The following PRR5 variants were observed in gnomAD, a reference collection of about 807,000 sequenced individuals.
The protein encoded by PRR5 is proline-rich protein 5.
Under a neutral mutation model 30.6 loss-of-function variants are expected in PRR5, and 25 were observed. The observed-to-expected ratio is 0.82, with a 90% CI of 0.60 to 1.14. The LOEUF is 1.14. Ranked by LOEUF, PRR5 falls within the 50% of genes most tolerant of loss-of-function variation. PRR5 has a pLI of 0.00. For synonymous variants in PRR5, 286 were observed against 247.1 expected, an observed-to-expected ratio of 1.16 and a Z score of -1.48; for missense variants, 600 against 547.1, an observed-to-expected ratio of 1.10 and a Z score of -0.96.
In PRR5 at chr22:44,737,436, A is replaced by T. The variant is rs1421136379; in HGVS notation, c.*189A>T. The T allele has an allele frequency of 7.9e-7, 1 of 1,266,282 alleles. No homozygotes were observed. 78.4% of individuals were successfully genotyped at this position (1,266,282 alleles called of 1,614,324 possible). A position where few individuals can be genotyped will look rare whatever the true frequency, so the allele number is the denominator to read the frequency against. Reference sequence around the variant, plus strand: ...ACCATCAGCCTTCCTTGCTCGGCCCAGGTCTGTTTCAGGCATCTGAGTCGG... The same window carrying T: ...ACCATCAGCCTTCCTTGCTCGGCCCTGGTCTGTTTCAGGCATCTGAGTCGG... On this transcript the variant is annotated 3_prime_UTR_variant, in exon 8 of 8. Coordinates refer to ENST00000336985, the MANE Select transcript of PRR5 (RefSeq NM_181333.4).
chr22:44,688,762 C>T (rs747262305), intron 1 of PRR5, among the ~76,000 whole-genome samples: 2 of 152,060 alleles, frequency 1.3e-5, no homozygotes, highest in East Asian at 1.9e-4. Flanking sequence ...CCGAGGCAGG[C>T]GGATCACTTG....
At chr22:44,734,760 C>T (rs1292025250) in intron 6 of PRR5, 14 of 540,634 alleles carry the variant, frequency 2.6e-5, no homozygotes, top group Non-Finnish European at 3.6e-5. Flanking sequence ...GAACACCCAT[C>T]TCATCTGGCC....
At chr22:44,721,415 C>G (rs1929912603) in intron 2 of PRR5, among the ~76,000 whole-genome samples, 1 of 152,142 alleles carries the variant, frequency 6.6e-6, no homozygotes, top group Admixed American at 6.5e-5. Context: ...GCACCCTATG[C>G]AAACATCCGA....
upstream of PRR5, among the ~76,000 whole-genome samples, chr22:44,697,889 A>G (rs1925907381): frequency 6.6e-6 from 1 of 152,108 alleles, no homozygotes; most frequent in Admixed American, 6.5e-5. Context: ...CCGCCCCTGT[A>G]TCATGCCTAT....
At chr22:44,729,813 G>A (rs1921600857) in intron 4 of PRR5, 6 of 985,502 alleles carry the variant, frequency 6.1e-6, no homozygotes, top group Non-Finnish European at 7.2e-6. Flanking sequence ...GTGGGCTGGA[G>A]AACAGCCTGC....
chr22:44,718,052 A>C (rs74596818), intron 2 of PRR5, among the ~76,000 whole-genome samples: 1 of 151,926 alleles, frequency 6.6e-6, no homozygotes, highest in Non-Finnish European at 1.5e-5. Context: ...ATCATATTCT[A>C]TCGTGTGTAT....
chr22:44,734,910 A>G, intron 6 of PRR5, 117 bp from the exon 7 acceptor site: 22 of 1,367,244 alleles, frequency 1.6e-5, no homozygotes, highest in Non-Finnish European at 2.1e-5. Context: ...AGCCTGTGGG[A>G]ATGGGGAGGC....
intron 1 of PRR5, among the ~76,000 whole-genome samples, chr22:44,695,525 T>C (rs1189103113): frequency 6.6e-6 from 1 of 152,198 alleles, no homozygotes; most frequent in Non-Finnish European, 1.5e-5. Context: ...TTATCAGGCA[T>C]TTTTATATAA....
intron 4 of PRR5, chr22:44,729,166 C>G (rs1480318046): frequency 2.6e-5 from 11 of 427,384 alleles, no homozygotes; most frequent in Non-Finnish European, 3.4e-5. Context: ...TGCTGCCTTA[C>G]ACGCTTGCCT....
Position 44,691,228 on chromosome 22 carries a change from A to C in PRR5, c.-10-11264A>C, listed in dbSNP as rs1391035717. Among the ~76,000 whole-genome samples, 2 of 151,882 alleles carry C rather than the reference A, an allele frequency of 1.3e-5. No individual in the cohort carries two copies. Among genetic ancestry groups the C allele is most frequent in the African/African-American group, 4.8e-5 (2 of 41,302 alleles). ...TTCCGGGAGGATTTGGGTAGAGAAA[A>C]CCGGGGTCTGGAATGGGGATTCTGA... On this transcript the variant is annotated intron_variant, in intron 1 of 8. Coordinates refer to the PRR5 transcript ENST00000006251. The surrounding 1 kb of genome is among the most constrained non-coding windows in gnomAD (Gnocchi z 4.4).
intron 1 of PRR5, among the ~76,000 whole-genome samples, chr22:44,710,053 G>A (rs1259582805): frequency 6.6e-6 from 1 of 152,128 alleles, no homozygotes; most frequent in Non-Finnish European, 1.5e-5. Flanking sequence ...CCTCATGCTG[G>A]GGAGGTGGAG....
chr22:44,732,331 G>T lies in PRR5; in HGVS notation c.495G>T (p.Ala165=), dbSNP rs769702913. The part of the protein sequence containing the change: ...AITLSVKLED[A]LARAHARVPP... ...CCCTCAGTGTGAAGCTAGAGGATGC[G>T]CTGGCCCGGGCCCATGCCCGTGTGC... Residue 165 remains alanine, a synonymous_variant, in exon 6 of 8, where the codon GCG becomes GCT. Coordinates refer to ENST00000336985, the MANE Select transcript of PRR5 (RefSeq NM_181333.4). 1.2e-6 allele frequency: 2 copies of T among 1,612,190 alleles called. No individual in the cohort carries two copies. The highest frequency in any genetic ancestry group is 2.2e-5 in the East Asian group (1 of 44,866).
At chr22:44,696,225 A>G (rs551754139) in intron 1 of PRR5, among the ~76,000 whole-genome samples, 39 of 152,246 alleles carry the variant, frequency 2.6e-4, no homozygotes, top group African/African-American at 8.9e-4. Context: ...CGTCCAGCCA[A>G]TTCTGACAAC....
In PRR5 at chr22:44,691,193, T is replaced by C. The variant is rs1419227648; in HGVS notation, c.-10-11299T>C. Among the ~76,000 whole-genome samples the C allele has an allele frequency of 6.6e-6, 1 of 152,162 alleles. No homozygotes were observed. The highest frequency in any genetic ancestry group is 3.4e-3 in the Middle Eastern group (1 of 294). ...TGAGCCCAGGCTTCAGGTAGGAAGA[T>C]CTGGGCTGCTTCCGGGAGGATTTGG... On this transcript the variant is annotated intron_variant, in intron 1 of 8. Transcript: ENST00000006251. The surrounding 1 kb of genome is among the most constrained non-coding windows in gnomAD (Gnocchi z 4.4).
chr22:44,733,772 G>A (rs906608290), intron 6 of PRR5, among the ~76,000 whole-genome samples: 1 of 152,154 alleles, frequency 6.6e-6, no homozygotes, highest in African/African-American at 2.4e-5. Flanking sequence ...GTGGGCACCT[G>A]TGGAGTCCCA....
rs1922368979 is a variant in PRR5 at position 44,732,847 on chromosome 22, C to CACGCATACACT, written c.555+458_555+459insGCATACACTAC. Among the ~76,000 whole-genome samples the CACGCATACACT allele has an allele frequency of 9.1e-5, 3 of 33,060 alleles. 1 individual carries two copies. In the East Asian group the frequency reaches 1.4e-3, roughly 15 times the overall value. The allele number at this position is 33,060 out of a possible 152,430, so 21.7% of individuals were successfully genotyped here. On this transcript the variant is annotated intron_variant, in intron 6 of 7. Coordinates refer to ENST00000336985, the MANE Select transcript of PRR5 (RefSeq NM_181333.4). ...TGCACGCACATACTACACACGTGCA[C>CACGCATACACT]ACACGTGCACACGCACATACTACAC...
At chr22:44,700,530 G>A (rs1040491118), upstream of PRR5, among the ~76,000 whole-genome samples, 3 of 109,232 alleles carry the variant, frequency 2.7e-5, no homozygotes, top group Admixed American at 8.5e-5. Context: ...GGAGGCTAAC[G>A]TGGGAGGGTT....
At chr22:44,682,891 C>T (rs369823011) in intron 1 of PRR5, among the ~76,000 whole-genome samples, 4 of 152,202 alleles carry the variant, frequency 2.6e-5, no homozygotes, top group East Asian at 1.9e-4. Context: ...GTCCTCTAAA[C>T]GCAGATGTGT....
chr22:44,726,899 G>T (rs556838340), intron 4 of PRR5, among the ~76,000 whole-genome samples: 2 of 152,314 alleles, frequency 1.3e-5, no homozygotes, highest in East Asian at 3.9e-4. Context: ...TCCCCTCCCT[G>T]CCCACGGGAC....
Sources: gnomAD v4.1 joint callset for allele counts (sites outside exome capture counted in the v4.1 genomes callset) on GRCh38, gnomAD v4.1.1 for gene constraint, Gnocchi (gnomAD v3.1) non-coding constraint, MANE v1.5 for transcripts, NCBI Gene and HGNC (gene_info 2026-07-23, HGNC 2026-07-21) for gene names.